The following ATP2B1 variants were observed in gnomAD, a reference collection of about 807,000 sequenced individuals.
ATP2B1 encodes plasma membrane calcium-transporting ATPase 1.
ATP2B1 carries 14 observed loss-of-function variants against 124.2 expected under a neutral mutation model. The observed-to-expected ratio is 0.11, with a 90% CI of 0.07 to 0.18. The LOEUF is 0.18. Ranked by LOEUF, ATP2B1 falls within the 10% of genes least tolerant of loss-of-function variation. The pLI is 1.00. For missense variants in ATP2B1, 763 were observed against 1,466.1 expected, an observed-to-expected ratio of 0.52 and a Z score of 7.83; for synonymous variants, 449 against 492.4, an observed-to-expected ratio of 0.91 and a Z score of 1.17.
intron 2 of ATP2B1, among the ~76,000 whole-genome samples, chr12:89,650,929 G>A (rs1034996482): frequency 6.6e-6 from 1 of 152,178 alleles, no homozygotes; most frequent in Non-Finnish European, 1.5e-5. Context: ...AAACTGTGAA[G>A]GTAATTTTAT....
chr12:89,633,890 C>T (rs1277797942), intron 5 of ATP2B1, among the ~76,000 whole-genome samples: 1 of 152,084 alleles, frequency 6.6e-6, no homozygotes, highest in African/African-American at 2.4e-5. Flanking sequence ...TTCTGATAGA[C>T]AATTTCATAA....
intron 1 of ATP2B1, among the ~76,000 whole-genome samples, chr12:89,685,904 C>T (rs1289736785): frequency 6.6e-6 from 1 of 151,976 alleles, no homozygotes; most frequent in Non-Finnish European, 1.5e-5. Context: ...AGAAGAAGGC[C>T]ATCAGCAAGC....
In ATP2B1 at chr12:89,670,971, T is replaced by TG. The variant is rs202116144; in HGVS notation, c.-221-14865dup. 3.5e-4 allele frequency among the ~76,000 whole-genome samples: 40 copies of TG among 114,318 alleles called. 1 individual carries two copies. Among genetic ancestry groups the TG allele is most frequent in the African/African-American group, 8.6e-4 (26 of 30,376 alleles). 75.0% of individuals were successfully genotyped at this position (114,318 alleles called of 152,430 possible). ...ATACATTAAAAAAAAAAAAAAGGGG[T>TG]GGGGGGGCTCAGACCTCATCAACTG... On this transcript the variant is annotated intron_variant, in intron 1 of 20. Coordinates refer to ENST00000428670, the MANE Select transcript of ATP2B1 (RefSeq NM_001366521.1).
intron 1 of ATP2B1, among the ~76,000 whole-genome samples, chr12:89,672,206 G>C (rs919599106): frequency 6.6e-5 from 10 of 152,290 alleles, no homozygotes; most frequent in Admixed American, 6.5e-4. Flanking sequence ...TGTAATCCCA[G>C]CACTTTGGGA....
At chr12:89,645,513 C>G (rs1298875097) in intron 2 of ATP2B1, among the ~76,000 whole-genome samples, 1 of 151,988 alleles carries the variant, frequency 6.6e-6, no homozygotes, top group African/African-American at 2.4e-5. Context: ...TAAAAAAGGG[C>G]CAATAGAACT....
intron 20 of ATP2B1, chr12:89,598,661 T>C (rs1239742371): frequency 6.2e-7 from 1 of 1,613,986 alleles, no homozygotes; most frequent in African/African-American, 1.3e-5. Context: ...TGTTACATCA[T>C]GATGCTGGCT....
intron 1 of ATP2B1, among the ~76,000 whole-genome samples, chr12:89,677,963 T>TAC (rs1440059453): frequency 1.8e-3 from 177 of 100,864 alleles, no homozygotes; most frequent in Middle Eastern, 4.5e-3. Context: ...ATTATATATA[T>TAC]ATATATATAC....
At chr12:89,698,235 T>A (rs1322915812) in intron 1 of ATP2B1, among the ~76,000 whole-genome samples, 7 of 152,212 alleles carry the variant, frequency 4.6e-5, no homozygotes, top group Non-Finnish European at 1.0e-4. Context: ...AGACTGTATG[T>A]TACTGGAACC....
chr12:89,704,005 A>G (rs149769708), intron 1 of ATP2B1, among the ~76,000 whole-genome samples: 2,054 of 152,244 alleles, frequency 0.013, 42 homozygotes, highest in African/African-American at 0.047. Flanking sequence ...ATGCTGGAGA[A>G]CCACACCTTT....
chr12:89,591,382 G>T, intron 20 of ATP2B1, 87 bp from the exon 21 acceptor site: 3 of 1,168,284 alleles, frequency 2.6e-6, no homozygotes, highest in Non-Finnish European at 3.6e-6. Flanking sequence ...TCCACAAACA[G>T]CTAGGTATGA....
intron 1 of ATP2B1, among the ~76,000 whole-genome samples, chr12:89,693,658 T>C (rs1335916462): frequency 6.6e-6 from 1 of 152,242 alleles, no homozygotes; most frequent in Non-Finnish European, 1.5e-5. Context: ...GTTCCTATGA[T>C]ACTTGTGCTT....
At chr12:89,698,486 G>A (rs1891436194) in intron 1 of ATP2B1, among the ~76,000 whole-genome samples, 1 of 152,110 alleles carries the variant, frequency 6.6e-6, no homozygotes, top group Non-Finnish European at 1.5e-5. Context: ...GAGGAGCTGG[G>A]GTAGGGGAAG....
At chr12:89,645,549 C>T (rs12817819) in intron 2 of ATP2B1, among the ~76,000 whole-genome samples, 14,292 of 152,166 alleles carry the variant, frequency 0.094, 845 homozygotes, top group Middle Eastern at 0.15. Flanking sequence ...ATTAGCCTTT[C>T]TAAGGAGCTA....
In ATP2B1 at chr12:89,598,039, C is replaced by CA. The variant is rs10661138; in HGVS notation, c.3351+1077dup. ...CCCCTGAAACCACTGCACAACCAAGCAAAAAAAAAAAAAAAAAAAAAAAAT... is the reference window on the plus strand; with the variant it reads ...CCCCTGAAACCACTGCACAACCAAGCAAAAAAAAAAAAAAAAAAAAAAAAAT... On this transcript the variant is annotated intron_variant, in intron 20 of 20. Coordinates refer to ENST00000428670, the MANE Select transcript of ATP2B1 (RefSeq NM_001366521.1). Among the ~76,000 whole-genome samples, 129 of 60,540 alleles carry CA rather than the reference C, an allele frequency of 2.1e-3. 11 individuals carry two copies. Among genetic ancestry groups the CA allele is most frequent in the African/African-American group, 6.7e-3 (95 of 14,264 alleles). 39.7% of individuals were successfully genotyped at this position (60,540 alleles called of 152,430 possible). A position where few individuals can be genotyped will look rare whatever the true frequency, so the allele number is the denominator to read the frequency against.
intron 1 of ATP2B1, among the ~76,000 whole-genome samples, chr12:89,684,973 ATACTT>A (rs1462002964): frequency 6.6e-6 from 1 of 152,182 alleles, no homozygotes; most frequent in Admixed American, 6.6e-5. Context: ...GTAATTGCCT[ATACTT>A]TAAACTCAAA....
intron 19 of ATP2B1, among the ~76,000 whole-genome samples, chr12:89,600,584 T>C (rs1875598004): frequency 6.6e-6 from 1 of 152,092 alleles, no homozygotes; most frequent in Admixed American, 6.6e-5. Flanking sequence ...TATAAAAACA[T>C]TCTCTAAGGT....
At chr12:89,682,828 C>T (rs968072174) in intron 1 of ATP2B1, among the ~76,000 whole-genome samples, 7 of 152,068 alleles carry the variant, frequency 4.6e-5, no homozygotes, top group South Asian at 2.1e-4. Context: ...ATTACATAAG[C>T]GTGATAAATT....
At chr12:89,635,332 T>C in intron 3 of ATP2B1, 81 bp from the exon 4 acceptor site, 1 of 1,440,558 alleles carries the variant, frequency 6.9e-7, no homozygotes, top group Non-Finnish European at 9.3e-7. Context: ...AAATCATATT[T>C]TTGTGTTAAT....
chr12:89,678,980 T>C (rs565327005), intron 1 of ATP2B1, among the ~76,000 whole-genome samples: 16 of 152,280 alleles, frequency 1.1e-4, no homozygotes, highest in Admixed American at 1.0e-3. Context: ...TCCCATTTCA[T>C]ATTGTTACTT....
Sources: gnomAD v4.1 joint callset for allele counts (sites outside exome capture counted in the v4.1 genomes callset) on GRCh38, gnomAD v4.1.1 for gene constraint, MANE v1.5 for transcripts, NCBI Gene and HGNC (gene_info 2026-07-23, HGNC 2026-07-21) for gene names.